PUM3: variants seen among roughly 807,000 people sequenced by gnomAD.
PUM3 encodes the protein pumilio homolog 3.
A neutral mutation model predicts 84.0 loss-of-function variants in PUM3; 91 were observed. That is an observed-to-expected ratio of 1.08 (90% CI 0.91 to 1.29). PUM3 has a LOEUF of 1.29. Among genes scored for constraint, PUM3 ranks in the 50% most tolerant of loss-of-function variants. The probability of loss-of-function intolerance (pLI) is 0.00; values close to 1 mark genes in which losing one functional copy is unlikely to be tolerated. For missense variants in PUM3, 1,067 were observed against 767.5 expected (o/e 1.39, Z -4.61); for synonymous variants, 321 against 266.7 (o/e 1.20, Z -1.98).
intron 13 of PUM3, among the ~76,000 whole-genome samples, chr9:2,817,415 A>G (rs1438540970): frequency 6.6e-6 from 1 of 152,226 alleles, no homozygotes; most frequent in Non-Finnish European, 1.5e-5. Flanking sequence ...ACAAGAATAC[A>G]TGATAGGACC....
rs1815883397 is a variant in PUM3, at chr9:2,828,516, G to A, written c.956+159C>T. ...ATATCAGAAAAAGAAATCTCCTTTT[G>A]CACCAAGAATGGTTTCAAACCAACA... is the stretch of plus-strand genomic sequence containing the variant. On this transcript the variant is annotated intron_variant, in intron 9 of 17. Coordinates refer to ENST00000397885, the MANE Select transcript of PUM3 (RefSeq NM_014878.5). 3 of 565,806 alleles carry A rather than the reference G, an allele frequency of 5.3e-6. No homozygotes were observed. In the South Asian group the frequency reaches 7.2e-5, roughly 14 times the overall value. 35.0% of individuals were successfully genotyped at this position (565,806 alleles called of 1,614,324 possible). A position where few individuals can be genotyped will look rare whatever the true frequency, so the allele number is the denominator to read the frequency against.
chr9:2,804,749 T>G (rs1207674421), intron 17 of PUM3, among the ~76,000 whole-genome samples: 1 of 152,236 alleles, frequency 6.6e-6, no homozygotes, highest in Admixed American at 6.5e-5. Context: ...TCTTAGGACT[T>G]ACTTACATCC....
intron 1 of PUM3, among the ~76,000 whole-genome samples, chr9:2,838,746 C>A (rs1816197689): frequency 6.6e-6 from 1 of 152,106 alleles, no homozygotes; most frequent in Non-Finnish European, 1.5e-5. Context: ...ACAACACACA[C>A]CCTGGCCAGT....
At chr9:2,823,513 T>G (rs778605430) in intron 12 of PUM3, among the ~76,000 whole-genome samples, 2 of 152,036 alleles carry the variant, frequency 1.3e-5, no homozygotes, top group Non-Finnish European at 2.9e-5. Flanking sequence ...AAAAAGCTAG[T>G]AAATATCAGG....
intron 17 of PUM3, among the ~76,000 whole-genome samples, chr9:2,806,831 C>A (rs1055721493): frequency 6.6e-6 from 1 of 152,096 alleles, no homozygotes; most frequent in African/African-American, 2.4e-5. Flanking sequence ...TCTTTTAAAA[C>A]AATGAAGGAA....
At position 2,837,116 on chromosome 9, in the gene PUM3, C is replaced by A; in HGVS notation, c.304+64G>T. 5.0e-6 allele frequency: 7 copies of A among 1,386,280 alleles called. No individual in the cohort carries two copies. The South Asian group carries it at 8.3e-5, about 16-fold the overall frequency. 85.9% of individuals were successfully genotyped at this position (1,386,280 alleles called of 1,614,324 possible). ...ATAAGAATGTGAGGTTTCTAACGCA[C>A]CTCCAGAGTCCCTGTGCACAATCGT... On this transcript the variant is annotated intron_variant, in intron 3 of 17. Coordinates refer to ENST00000397885, the MANE Select transcript of PUM3 (RefSeq NM_014878.5).
rs754077482 is a variant in PUM3, at chr9:2,838,425, C to T, written c.82+1G>A. 3.1e-6 allele frequency: 5 copies of T among 1,601,414 alleles called. No individual in the cohort carries two copies. Among genetic ancestry groups the T allele is most frequent in the African/African-American group, 1.3e-5 (1 of 74,638 alleles). The stretch of plus-strand genomic sequence containing the variant: ...ACACCCACATGGGAAGCATATCTTA[C>T]CACTATTTTTATGAAATCTGTTTTT... On this transcript the variant is annotated splice_donor_variant, in intron 2 of 17. Transcript: ENST00000397885. LOFTEE classifies it high-confidence loss of function.
Position 2,810,439 on chromosome 9 carries a change from G to T in PUM3, c.1636-8C>A. On this transcript the variant is annotated splice_region_variant and splice_polypyrimidine_tract_variant and intron_variant, in intron 15 of 17. Transcript: ENST00000397885. ...ATGTTCTGCAATGTGAAGCTATGAAGGGTCAAGAACAGTTAATTTTAAAAG... is the reference window on the plus strand; with the variant it reads ...ATGTTCTGCAATGTGAAGCTATGAATGGTCAAGAACAGTTAATTTTAAAAG... 2 of 1,591,690 alleles carry T rather than the reference G, an allele frequency of 1.3e-6. No individual in the cohort carries two copies.
intron 13 of PUM3, among the ~76,000 whole-genome samples, chr9:2,819,207 A>T (rs760196876): frequency 7.9e-5 from 12 of 152,196 alleles, no homozygotes; most frequent in Non-Finnish European, 1.6e-4. Context: ...CCACTCATAC[A>T]CTAAAAACAA....
intron 14 of PUM3, 89 bp from the exon 15 acceptor site, chr9:2,811,672 C>T: frequency 1.1e-6 from 1 of 871,828 alleles, no homozygotes; most frequent in African/African-American, 1.6e-5. Flanking sequence ...AAGAGCTTAT[C>T]ACAGACTGTA....
chr9:2,830,877 C>T (rs1815957279), intron 7 of PUM3, 85 bp downstream of exon 7: 4 of 711,810 alleles, frequency 5.6e-6, no homozygotes, highest in South Asian at 4.9e-5. Context: ...AGACCACAGA[C>T]TTCCTATCTC....
chr9:2,821,774 G>A (rs1051771076), intron 12 of PUM3, among the ~76,000 whole-genome samples: 2 of 152,126 alleles, frequency 1.3e-5, no homozygotes, highest in Non-Finnish European at 1.5e-5. Context: ...TCTTGCAGAC[G>A]TGTTTCCATG....
At chr9:2,843,445 G>A (rs1056114296) in intron 1 of PUM3, among the ~76,000 whole-genome samples, 1 of 152,070 alleles carries the variant, frequency 6.6e-6, no homozygotes, top group Non-Finnish European at 1.5e-5. Flanking sequence ...CACTGGAGTT[G>A]GGGTTTGTGA....
chr9:2,841,985 C>T lies in PUM3; in HGVS notation c.-11+2060G>A, dbSNP rs112816340. Among the ~76,000 whole-genome samples, 98 of 152,298 alleles carry T rather than the reference C, an allele frequency of 6.4e-4. 1 individual carries two copies. Among genetic ancestry groups the T allele is most frequent in the Non-Finnish European group, 1.2e-3 (80 of 68,012 alleles). On this transcript the variant is annotated intron_variant, in intron 1 of 17. Coordinates refer to ENST00000397885, the MANE Select transcript of PUM3 (RefSeq NM_014878.5). ...CACTCTAAAAAGTCCCCTGGTACAG[C>T]TCCTTTGTATTCAACTCCTTCCCTC...
chr9:2,819,355 T>C (rs1387372978), intron 13 of PUM3, among the ~76,000 whole-genome samples: 1 of 152,236 alleles, frequency 6.6e-6, no homozygotes, highest in Admixed American at 6.5e-5. Flanking sequence ...ACGTTAGCGA[T>C]AAATACACTA....
intron 13 of PUM3, 136 bp downstream of exon 13, chr9:2,819,878 ATAAT>A (rs1365899150): frequency 4.0e-6 from 2 of 502,538 alleles, no homozygotes; most frequent in Non-Finnish European, 7.3e-6. Context: ...AAAATAAAAC[ATAAT>A]TAACTTAAAA....
rs908909144 is a variant in PUM3, at chr9:2,809,423, AT to A, written c.1723+920del. ...AATGAAAAAGATTATTCCATATGTT[AT>A]TTTTTTCTTTAATATTTATCACAAG... On this transcript the variant is annotated intron_variant, in intron 16 of 17. Coordinates refer to ENST00000397885, the MANE Select transcript of PUM3 (RefSeq NM_014878.5). Among the ~76,000 whole-genome samples the A allele has an allele frequency of 1.1e-4, 16 of 152,252 alleles. 1 individual carries two copies. The highest frequency in any genetic ancestry group is 3.6e-4 in the African/African-American group (15 of 41,554).
At chr9:2,830,894 G>T in intron 7 of PUM3, 68 bp downstream of exon 7, 1 of 797,282 alleles carries the variant, frequency 1.3e-6, no homozygotes, top group Non-Finnish European at 2.1e-6. Context: ...TCTCGCATCT[G>T]AGCACAGTTG....
chr9:2,841,980 T>C (rs1586730801), intron 1 of PUM3, among the ~76,000 whole-genome samples: 1 of 152,322 alleles, frequency 6.6e-6, no homozygotes, highest in South Asian at 2.1e-4. Context: ...AGTCCCCTGG[T>C]ACAGCTCCTT....
Sources: gnomAD v4.1 joint callset for allele counts (sites outside exome capture counted in the v4.1 genomes callset) on GRCh38, gnomAD v4.1.1 for gene constraint, MANE v1.5 for transcripts, NCBI Gene and HGNC (gene_info 2026-07-23, HGNC 2026-07-21) for gene names.